The following KCNMA1 variants were observed in gnomAD, a reference collection of about 807,000 sequenced individuals.
KCNMA1 encodes the protein potassium calcium-activated channel subfamily M alpha 1.
In KCNMA1, 29 loss-of-function variants were observed where a neutral mutation model predicts 140.0. The observed-to-expected ratio is 0.21, with a 90% CI of 0.15 to 0.28. The LOEUF (loss-of-function observed/expected upper bound fraction) is 0.28. KCNMA1 is among the 10% of genes least tolerant of loss of function. KCNMA1 has a pLI of 1.00. For synonymous variants in KCNMA1, 612 were observed against 611.9 expected, an observed-to-expected ratio of 1.00 and a Z score of 0.00; for missense variants, 880 against 1,602.2, an observed-to-expected ratio of 0.55 and a Z score of 7.70.
chr10:76,998,239 G>C (rs1220384546), intron 19 of KCNMA1, among the ~76,000 whole-genome samples: 4 of 152,096 alleles, frequency 2.6e-5, no homozygotes, highest in Admixed American at 2.6e-4. Flanking sequence ...ATTCCTCTGG[G>C]AACCAGCTAC....
intron 1 of KCNMA1, among the ~76,000 whole-genome samples, chr10:77,613,395 C>T (rs1453076122): frequency 6.6e-6 from 1 of 152,164 alleles, no homozygotes; most frequent in Non-Finnish European, 1.5e-5. Context: ...CATTAAAGAA[C>T]TCAAAGCTTA....
intron 2 of KCNMA1, among the ~76,000 whole-genome samples, chr10:77,293,267 C>T (rs2073912680): frequency 6.6e-6 from 1 of 152,186 alleles, no homozygotes; most frequent in Non-Finnish European, 1.5e-5. Context: ...TAAAGAGAGA[C>T]CCTTAATGCC....
At chr10:77,554,583 G>A (rs1157233417) in intron 1 of KCNMA1, among the ~76,000 whole-genome samples, 2 of 97,318 alleles carry the variant, frequency 2.1e-5, no homozygotes, top group African/African-American at 8.3e-5. Context: ...GGTGACAAGA[G>A]TAATACTCCA....
At chr10:77,520,291 ATGCAGTGTGAGGGTG>A (rs2052863358) in intron 1 of KCNMA1, among the ~76,000 whole-genome samples, 1 of 86,814 alleles carries the variant, frequency 1.2e-5, no homozygotes. Context: ...GTGTGAGGGT[ATGCAGTGTGAGGGTG>A]TGCAGTGTGA....
intron 2 of KCNMA1, among the ~76,000 whole-genome samples, chr10:77,277,142 A>G (rs990274332): frequency 6.6e-6 from 1 of 152,104 alleles, no homozygotes; most frequent in African/African-American, 2.4e-5. Context: ...CCTTCCCAGC[A>G]TGGTTGGGGG....
At chr10:77,236,312 T>C (rs1174105206) in intron 3 of KCNMA1, among the ~76,000 whole-genome samples, 3 of 152,234 alleles carry the variant, frequency 2.0e-5, no homozygotes, top group African/African-American at 7.2e-5. Flanking sequence ...TTTTAATCTG[T>C]ATCTTTTCCC....
At chr10:77,503,499 C>T (rs990671105) in intron 1 of KCNMA1, among the ~76,000 whole-genome samples, 2 of 152,148 alleles carry the variant, frequency 1.3e-5, no homozygotes, top group Admixed American at 6.5e-5. Context: ...TAGTTCTAAG[C>T]TCCCAAAGGA....
intron 5 of KCNMA1, among the ~76,000 whole-genome samples, chr10:77,180,040 C>T (rs2098790707): frequency 6.6e-6 from 1 of 152,152 alleles, no homozygotes; most frequent in South Asian, 2.1e-4. Context: ...AGGGCAGGGA[C>T]CCTGCATTCA....
intron 19 of KCNMA1, chr10:76,977,879 A>C: frequency 2.1e-6 from 1 of 487,294 alleles, no homozygotes. Flanking sequence ...GGCGAACCAC[A>C]TCTACCGTGA....
At chr10:76,889,336 G>A in intron 27 of KCNMA1, 115 bp downstream of exon 27, 2 of 754,248 alleles carry the variant, frequency 2.7e-6, no homozygotes, top group Non-Finnish European at 4.7e-6. Context: ...TATGGGCAGA[G>A]TAATTTGCAT....
chr10:77,474,772 G>A (rs2098241931), intron 1 of KCNMA1, among the ~76,000 whole-genome samples: 1 of 152,158 alleles, frequency 6.6e-6, no homozygotes, highest in African/African-American at 2.4e-5. Context: ...AAAGGACATT[G>A]GCCTGGCCGG....
At chr10:77,302,936 CA>C (rs1051283488) in intron 2 of KCNMA1, among the ~76,000 whole-genome samples, 15 of 152,110 alleles carry the variant, frequency 9.9e-5, no homozygotes, top group African/African-American at 2.2e-4. Flanking sequence ...CTTTGGTTTG[CA>C]GGGGGGGGTT....
intron 2 of KCNMA1, among the ~76,000 whole-genome samples, chr10:77,368,670 T>C (rs1381039942): frequency 1.3e-5 from 2 of 152,246 alleles, no homozygotes; most frequent in African/African-American, 2.4e-5. Context: ...AGTTTTACAC[T>C]TATATCTGTG....
At chr10:77,217,729 C>T (rs16934369) in intron 3 of KCNMA1, among the ~76,000 whole-genome samples, 3,019 of 134,340 alleles carry the variant, frequency 0.022, 99 homozygotes, top group African/African-American at 0.079. Context: ...GAACTAAACC[C>T]TATCATAAAT....
chr10:77,086,409 C>T, intron 11 of KCNMA1, 79 bp downstream of exon 11: 1 of 1,029,992 alleles, frequency 9.7e-7, no homozygotes. Context: ...GGAGGTGTGT[C>T]CCCTCAGCAC....
intron 24 of KCNMA1, chr10:76,910,816 C>T (rs1399924920): frequency 6.4e-6 from 1 of 155,446 alleles, no homozygotes; most frequent in Non-Finnish European, 1.4e-5. Flanking sequence ...CTTTTATATG[C>T]TTGCATTCAA....
intron 13 of KCNMA1, among the ~76,000 whole-genome samples, chr10:77,078,569 T>C (rs2096469689): frequency 6.6e-6 from 1 of 152,220 alleles, no homozygotes; most frequent in South Asian, 2.1e-4. Flanking sequence ...CAAATTCTCA[T>C]CTCGACTCTG....
intron 23 of KCNMA1, among the ~76,000 whole-genome samples, chr10:76,932,786 T>C (rs1439186576): frequency 6.6e-6 from 1 of 152,206 alleles, no homozygotes; most frequent in African/African-American, 2.4e-5. Flanking sequence ...ACAAAACACA[T>C]CTTCCAAGTT....
Position 77,628,153 on chromosome 10 carries a change from T to C in KCNMA1, c.378+9112A>G, listed in dbSNP as rs112929920. On this transcript the variant is annotated intron_variant, in intron 1 of 27. Coordinates refer to ENST00000286628, the MANE Select transcript of KCNMA1 (RefSeq NM_001161352.2). ...TTATACTCCCAACTTGAAATGCACATACAGGCAGCCCAACAGCCTGTAGAT... is the reference window on the plus strand; with the variant it reads ...TTATACTCCCAACTTGAAATGCACACACAGGCAGCCCAACAGCCTGTAGAT... Among the ~76,000 whole-genome samples, 6 of 152,238 alleles carry C rather than the reference T, an allele frequency of 3.9e-5. No individual in the cohort carries two copies. In the East Asian group the frequency reaches 1.2e-3, roughly 30 times the overall value.
Sources: allele counts gnomAD v4.1 joint callset (sites outside exome capture counted in the v4.1 genomes callset), GRCh38; gene constraint gnomAD v4.1.1; transcripts MANE v1.5; gene names NCBI Gene and HGNC (gene_info 2026-07-23, HGNC 2026-07-21).